The following SIPA1L2 variants were observed in gnomAD, a reference collection of about 807,000 sequenced individuals.
The protein encoded by SIPA1L2 is signal-induced proliferation-associated 1-like protein 2.
Under a neutral mutation model 163.9 loss-of-function variants are expected in SIPA1L2, and 56 were observed. The ratio of observed to expected loss-of-function variants is 0.34; its 90% CI spans 0.28 to 0.43. The LOEUF (loss-of-function observed/expected upper bound fraction) is 0.43. Among genes scored for constraint, SIPA1L2 ranks in the 20% least tolerant of loss-of-function variants. SIPA1L2 has a pLI of 1.00. For missense variants in SIPA1L2, 1,974 were observed against 2,193.5 expected (o/e 0.90, Z 2.00); for synonymous variants, 877 against 865.7 (o/e 1.01, Z -0.23).
intron 3 of SIPA1L2, among the ~76,000 whole-genome samples, chr1:232,497,529 G>A (rs980754610): frequency 1.3e-5 from 2 of 152,088 alleles, no homozygotes; most frequent in Non-Finnish European, 2.9e-5. Flanking sequence ...TCCTCAATCT[G>A]CATCAAACTT....
intron 2 of SIPA1L2, among the ~76,000 whole-genome samples, chr1:232,556,696 A>G (rs1658726988): frequency 6.6e-6 from 1 of 151,004 alleles, no homozygotes; most frequent in South Asian, 2.1e-4. Context: ...TTGTAAAACT[A>G]GGGATCTTAT....
intron 1 of SIPA1L2, among the ~76,000 whole-genome samples, chr1:232,599,314 C>G (rs1661463756): frequency 6.6e-6 from 1 of 152,190 alleles, no homozygotes; most frequent in African/African-American, 2.4e-5. Context: ...ACGGTGGAGC[C>G]TAAACCAAAA....
At chr1:232,491,562 A>G (rs1665930999) in intron 4 of SIPA1L2, among the ~76,000 whole-genome samples, 1 of 152,198 alleles carries the variant, frequency 6.6e-6, no homozygotes, top group South Asian at 2.1e-4. Context: ...AGTGGTATCC[A>G]TGGGCAGGGT....
intron 10 of SIPA1L2, among the ~76,000 whole-genome samples, chr1:232,458,125 C>A (rs1664033827): frequency 1.3e-5 from 2 of 151,986 alleles, no homozygotes; most frequent in South Asian, 4.2e-4. Context: ...TCTAATCCTT[C>A]TGGCTAAGGT....
intron 1 of SIPA1L2, among the ~76,000 whole-genome samples, chr1:232,603,542 G>A (rs1173748960): frequency 6.6e-6 from 1 of 152,096 alleles, no homozygotes; most frequent in South Asian, 2.1e-4. Flanking sequence ...AGAGGATGCG[G>A]CCTGAGGACA....
rs757048373 is a variant in SIPA1L2 at position 232,460,899 on chromosome 1, C to G, written c.3083G>C (p.Gly1028Ala). Reference protein sequence around the residue: ...KVVIIQPHDDGSPRRGCSELC... With the variant: ...KVVIIQPHDDASPRRGCSELC... ...TCCCACGCCTTACCTTCGGGGCGAGCCGTCATCATGGGGCTGGATGATGAC... is the reference window on the plus strand; with the variant it reads ...TCCCACGCCTTACCTTCGGGGCGAGGCGTCATCATGGGGCTGGATGATGAC... Residue 1028 changes from glycine (G) to alanine (A), a missense_variant, in exon 10 of 23, where the codon GGC becomes GCC. This residue lies in a region of SIPA1L2 where 1,079 missense variants were observed against 1,150.7 expected (regional missense o/e 0.94). Transcript: ENST00000674635. The G allele has an allele frequency of 6.2e-7, 1 of 1,613,064 alleles. No individual in the cohort carries two copies. Among genetic ancestry groups the G allele is most frequent in the South Asian group, 1.1e-5 (1 of 91,066 alleles).
chr1:232,624,432 A>G (rs1662972321), intron 1 of SIPA1L2, among the ~76,000 whole-genome samples: 1 of 152,266 alleles, frequency 6.6e-6, no homozygotes, highest in Non-Finnish European at 1.5e-5. Flanking sequence ...TCCAGAAGAC[A>G]GTGAAAGTAG....
intron 10 of SIPA1L2, among the ~76,000 whole-genome samples, chr1:232,448,534 C>T (rs997314779): frequency 7.2e-5 from 11 of 152,290 alleles, no homozygotes; most frequent in Admixed American, 6.5e-4. Context: ...GAACAAGAAA[C>T]AGAAACAACC....
chr1:232,543,941 A>ATT (rs1167498220), intron 2 of SIPA1L2, among the ~76,000 whole-genome samples: 2 of 152,236 alleles, frequency 1.3e-5, no homozygotes, highest in Non-Finnish European at 2.9e-5. Flanking sequence ...ACAGTAAGCC[A>ATT]TTAGTAAATT....
intron 2 of SIPA1L2, among the ~76,000 whole-genome samples, chr1:232,564,404 G>GT (rs887638140): frequency 6.6e-6 from 1 of 151,652 alleles, no homozygotes; most frequent in Admixed American, 6.6e-5. Context: ...ACCCCATCAG[G>GT]TCGACTGCTC....
At chr1:232,495,399 T>C (rs1307808291) in intron 3 of SIPA1L2, among the ~76,000 whole-genome samples, 3 of 151,848 alleles carry the variant, frequency 2.0e-5, no homozygotes, top group Non-Finnish European at 2.9e-5. Context: ...CCGGCTCTAC[T>C]AAAAATACAA....
chr1:232,487,282 CAA>C (rs1665688557), intron 5 of SIPA1L2, among the ~76,000 whole-genome samples: 1 of 152,172 alleles, frequency 6.6e-6, no homozygotes, highest in African/African-American at 2.4e-5. Flanking sequence ...GAGAAGAAAA[CAA>C]AGCCTCAGAA....
At chr1:232,607,812 T>C (rs1662014088) in intron 1 of SIPA1L2, among the ~76,000 whole-genome samples, 1 of 151,026 alleles carries the variant, frequency 6.6e-6, no homozygotes, top group African/African-American at 2.4e-5. Context: ...TCCCAGCACT[T>C]TGGGAGGCAG....
chr1:232,445,310 T>C (rs1398901400), intron 11 of SIPA1L2, among the ~76,000 whole-genome samples: 1 of 152,158 alleles, frequency 6.6e-6, no homozygotes, highest in Non-Finnish European at 1.5e-5. Flanking sequence ...GCTGTGACCC[T>C]GGTGGGCAGA....
intron 2 of SIPA1L2, among the ~76,000 whole-genome samples, chr1:232,557,930 T>C (rs1441891750): frequency 6.6e-6 from 1 of 152,222 alleles, no homozygotes; most frequent in African/African-American, 2.4e-5. Context: ...AAATCATACA[T>C]TTAAAACACT....
rs574305151 is a variant in SIPA1L2 at position 232,580,841 on chromosome 1, A to C, written c.-318-6619T>G. 3.3e-5 allele frequency among the ~76,000 whole-genome samples: 5 copies of C among 152,338 alleles called. No homozygotes were observed. In the South Asian group the frequency reaches 1.0e-3, roughly 32 times the overall value. On this transcript the variant is annotated intron_variant, in intron 1 of 22. Transcript: ENST00000674635. ...TTCTTGCATTTCAAGCCCAGTGAAT[A>C]GCCATCTTGAAATATGTCAAAGTAT... is the stretch of plus-strand genomic sequence containing the variant.
At chr1:232,577,146 T>A (rs1221619617) in intron 1 of SIPA1L2, among the ~76,000 whole-genome samples, 4 of 152,240 alleles carry the variant, frequency 2.6e-5, no homozygotes, top group African/African-American at 7.2e-5. Flanking sequence ...TTGAAACTCA[T>A]GCTTAGTTAC....
In SIPA1L2 at chr1:232,512,107, C is replaced by G. The variant is rs544150790; in HGVS notation, c.1483+1750G>C. Among the ~76,000 whole-genome samples, 8 of 152,216 alleles carry G rather than the reference C, an allele frequency of 5.3e-5. No individual in the cohort carries two copies. The South Asian group carries it at 1.2e-3, about 24-fold the overall frequency. ...CAAAAGAAGACATTTATGCGGCCAA[C>G]AAACATATGAAAAAAGCTCATCATC... On this transcript the variant is annotated intron_variant, in intron 3 of 22. Coordinates refer to ENST00000674635, the MANE Select transcript of SIPA1L2 (RefSeq NM_020808.5).
intron 3 of SIPA1L2, among the ~76,000 whole-genome samples, chr1:232,508,753 T>G (rs113223047): frequency 1.3e-5 from 2 of 152,198 alleles, no homozygotes; most frequent in African/African-American, 4.8e-5. Context: ...AGGAAGGGAC[T>G]TATTGGGCAT....
Sources: allele counts gnomAD v4.1 joint callset (sites outside exome capture counted in the v4.1 genomes callset), GRCh38; gene constraint gnomAD v4.1.1; regional missense constraint gnomAD v4.1.1; transcripts MANE v1.5; gene names NCBI Gene and HGNC (gene_info 2026-07-23, HGNC 2026-07-21).